The following LOXL2 variants were observed in gnomAD, a reference collection of about 807,000 sequenced individuals.
LOXL2 encodes lysyl oxidase homolog 2.
A neutral mutation model predicts 93.0 loss-of-function variants in LOXL2; 70 were observed. The ratio of observed to expected loss-of-function variants is 0.75; its 90% CI spans 0.62 to 0.92. LOXL2 has a LOEUF of 0.92. LOXL2 is among the 40% of genes least tolerant of loss of function. LOXL2 has a pLI of 0.00. For synonymous variants in LOXL2, 438 were observed against 413.2 expected (o/e 1.06, Z -0.73); for missense variants, 973 against 1,054.9 (o/e 0.92, Z 1.08).
At chr8:23,341,285 C>A in intron 3 of LOXL2, 82 bp from the exon 4 acceptor site, 1 of 1,162,218 alleles carries the variant, frequency 8.6e-7, no homozygotes, top group Non-Finnish European at 1.3e-6. Flanking sequence ...ACTTCTTTAG[C>A]GACTATGGGC....
intron 1 of LOXL2, among the ~76,000 whole-genome samples, chr8:23,400,394 A>T (rs1800140444): frequency 6.6e-6 from 1 of 152,208 alleles, no homozygotes; most frequent in Non-Finnish European, 1.5e-5. Context: ...TCCCATTTAT[A>T]AAACCATATC....
In LOXL2 at chr8:23,368,361, C is replaced by T. The variant is rs200071699; in HGVS notation, c.-10G>A. The T allele has an allele frequency of 2.6e-5, 42 of 1,608,094 alleles. No individual in the cohort carries two copies. Among genetic ancestry groups the T allele is most frequent in the Middle Eastern group, 1.7e-4 (1 of 6,058 alleles). ...ACAGAGGCCTCTCCATCCCTGTCTT[C>T]GGGCTGATGATCCCACGAAGGGGCC... On this transcript the variant is annotated 5_prime_UTR_variant, in exon 2 of 14. Coordinates refer to ENST00000389131, the MANE Select transcript of LOXL2 (RefSeq NM_002318.3).
At chr8:23,319,345 G>A (rs374680077) in intron 8 of LOXL2, among the ~76,000 whole-genome samples, 25 of 152,356 alleles carry the variant, frequency 1.6e-4, no homozygotes, top group African/African-American at 5.8e-4. Context: ...TCTTTGGAGA[G>A]GGGGCAGTGG....
Position 23,354,950 on chromosome 8 carries a change from T to TATATATATATATATATATATATA in LOXL2, c.531+5139_531+5140insTATATATATATATATATATATAT, listed in dbSNP as rs1491334754. 2.2e-4 allele frequency among the ~76,000 whole-genome samples: 4 copies of TATATATATATATATATATATATA among 17,962 alleles called. 1 individual carries two copies. The highest frequency in any genetic ancestry group is 6.4e-4 in the African/African-American group (3 of 4,720). 11.8% of individuals were successfully genotyped at this position (17,962 alleles called of 152,430 possible). A position where few individuals can be genotyped will look rare whatever the true frequency, so the allele number is the denominator to read the frequency against. ...GAGTTGGAATATATATATATATATA[T>TATATATATATATATATATATATA]TTTTTTTTTTTTTTTTTTTTTTTTT... is the stretch of plus-strand genomic sequence containing the variant. On this transcript the variant is annotated intron_variant, in intron 3 of 13. Transcript: ENST00000389131.
At chr8:23,390,992 G>C (rs1429909699) in intron 1 of LOXL2, among the ~76,000 whole-genome samples, 1 of 152,174 alleles carries the variant, frequency 6.6e-6, no homozygotes, top group Non-Finnish European at 1.5e-5. Flanking sequence ...CAGCAGACAT[G>C]AGAGAATATG....
At chr8:23,331,635 C>G (rs192809630) in intron 5 of LOXL2, 1 of 152,104 alleles carries the variant, frequency 6.6e-6, no homozygotes, top group Admixed American at 6.5e-5. Context: ...TTGATGGATA[C>G]AGGAAAAAGG....
chr8:23,346,144 A>AC, intron 3 of LOXL2, among the ~76,000 whole-genome samples: 1 of 75,870 alleles, frequency 1.3e-5, no homozygotes, highest in Non-Finnish European at 2.4e-5. Context: ...AAATAAAATA[A>AC]ATAAAATAAA....
At chr8:23,344,419 G>C (rs1234065853) in intron 3 of LOXL2, among the ~76,000 whole-genome samples, 1 of 152,082 alleles carries the variant, frequency 6.6e-6, no homozygotes. Context: ...GTCTGTGTGT[G>C]TGCATGGTGG....
intron 3 of LOXL2, among the ~76,000 whole-genome samples, chr8:23,343,312 C>T (rs557322750): frequency 2.7e-4 from 41 of 152,338 alleles, no homozygotes; most frequent in Non-Finnish European, 3.4e-4. Context: ...AACCCTCGCA[C>T]GCTGTAATGA....
chr8:23,366,053 C>T (rs1265300214), intron 2 of LOXL2: 1 of 152,212 alleles, frequency 6.6e-6, no homozygotes, highest in Non-Finnish European at 1.5e-5. Flanking sequence ...AGGGAAAAAC[C>T]ACAACCCCCT....
At chr8:23,378,835 A>G (rs915905814) in intron 1 of LOXL2, among the ~76,000 whole-genome samples, 4 of 152,146 alleles carry the variant, frequency 2.6e-5, no homozygotes, top group Admixed American at 2.0e-4. Flanking sequence ...CTAGTTAGCC[A>G]TTCATCTAAT....
At position 23,370,647 on chromosome 8, in the gene LOXL2, G is replaced by A. The variant is rs887434809; in HGVS notation, c.-83-2213C>T. ...GGGCATTGAGGTGAGGCTCACTTTT[G>A]TCTCTGCTTTCCCCCGGAAGATACT... On this transcript the variant is annotated intron_variant, in intron 1 of 13. Transcript: ENST00000389131. The A allele has an allele frequency of 2.0e-5, 3 of 152,280 alleles. No individual in the cohort carries two copies. In the East Asian group the frequency reaches 5.8e-4, roughly 29 times the overall value. 9.4% of individuals were successfully genotyped at this position (152,280 alleles called of 1,614,324 possible). A position where few individuals can be genotyped will look rare whatever the true frequency, so the allele number is the denominator to read the frequency against.
chr8:23,351,288 C>G (rs191940911), intron 3 of LOXL2, among the ~76,000 whole-genome samples: 5 of 152,198 alleles, frequency 3.3e-5, no homozygotes, highest in African/African-American at 1.2e-4. Flanking sequence ...CAGAACCAGG[C>G]TGACCGCTGC....
intron 4 of LOXL2, among the ~76,000 whole-genome samples, chr8:23,337,680 C>T (rs772769427): frequency 2.0e-5 from 3 of 152,224 alleles, no homozygotes. Flanking sequence ...TAAATGATGT[C>T]AGTATTGGGA....
chr8:23,376,187 T>C (rs1397299751), intron 1 of LOXL2, among the ~76,000 whole-genome samples: 1 of 152,234 alleles, frequency 6.6e-6, no homozygotes, highest in East Asian at 1.9e-4. Flanking sequence ...TCTGCTTCTA[T>C]TGAGATAATC....
intron 1 of LOXL2, among the ~76,000 whole-genome samples, chr8:23,397,031 G>A (rs1032062285): frequency 1.3e-5 from 2 of 152,180 alleles, no homozygotes; most frequent in Admixed American, 1.3e-4. Context: ...GGCTCAACAA[G>A]GAAGGAAATT....
intron 12 of LOXL2, 37 bp from the exon 13 acceptor site, chr8:23,298,984 C>T: frequency 7.9e-7 from 1 of 1,260,248 alleles, no homozygotes. Context: ...TGCTTGTTCC[C>T]TCTGCGGCCA....
intron 7 of LOXL2, 50 bp from the exon 8 acceptor site, chr8:23,320,102 C>T (rs751941550): frequency 8.2e-6 from 13 of 1,586,136 alleles, no homozygotes; most frequent in Non-Finnish European, 1.1e-5. Flanking sequence ...AAGGGAGCTT[C>T]CCCCCTACGC....
intron 3 of LOXL2, among the ~76,000 whole-genome samples, chr8:23,356,102 C>T (rs1325650596): frequency 6.6e-6 from 1 of 152,294 alleles, no homozygotes; most frequent in Middle Eastern, 3.4e-3. Context: ...AGCAATCTCT[C>T]CTAGTTTTGT....
Sources: gnomAD v4.1 joint callset for allele counts (sites outside exome capture counted in the v4.1 genomes callset) on GRCh38, gnomAD v4.1.1 for gene constraint, MANE v1.5 for transcripts, NCBI Gene and HGNC (gene_info 2026-07-23, HGNC 2026-07-21) for gene names.